Variants in ZFPM1 observed in about 807,000 individuals in gnomAD.
ZFPM1 encodes the protein zinc finger protein ZFPM1.
ZFPM1 carries 28 observed loss-of-function variants against 46.3 expected under a neutral mutation model. That is an observed-to-expected ratio of 0.60 (90% CI 0.45 to 0.83). The LOEUF (loss-of-function observed/expected upper bound fraction) is 0.83. Ranked by LOEUF, ZFPM1 falls within the 40% of genes least tolerant of loss-of-function variation. The pLI is 0.00. For synonymous variants in ZFPM1, 957 were observed against 675.9 expected (o/e 1.42, Z -6.45); for missense variants, 1,878 against 1,432.4 (o/e 1.31, Z -5.02).
intron 4 of ZFPM1, among the ~76,000 whole-genome samples, chr16:88,522,514 T>G (rs1911975875): frequency 6.6e-6 from 1 of 152,208 alleles, no homozygotes; most frequent in African/African-American, 2.4e-5. Context: ...CCAGCAGCCC[T>G]GCAAGCTGCT....
chr16:88,534,592 C>T lies in ZFPM1; in HGVS notation c.2634C>T (p.Gly878=), dbSNP rs1913130538. The stretch of plus-strand genomic sequence containing the variant: ...TGGAGCATTTCCGCCTGGCGCACGG[C>T]CTGCTGCTCGGCGCGCCCCTGGCCG... ...DLLEHFRLAH[G]LLLGAPLAGP... The change falls in exon 10 of 10, where the codon GGC becomes GGT. Residue 878 remains glycine (G), a synonymous_variant. Coordinates refer to ENST00000319555, the MANE Select transcript of ZFPM1 (RefSeq NM_153813.3). The T allele has an allele frequency of 3.2e-6, 4 of 1,242,240 alleles. No homozygotes were observed. The African/African-American group carries it at 6.4e-5, about 20-fold the overall frequency. The allele number at this position is 1,242,240 out of a possible 1,614,324, so 77.0% of individuals were successfully genotyped here.
intron 3 of ZFPM1, among the ~76,000 whole-genome samples, chr16:88,490,584 G>C (rs1194548808): frequency 6.6e-6 from 1 of 152,224 alleles, no homozygotes; most frequent in African/African-American, 2.4e-5. Flanking sequence ...CCAGCAGCAA[G>C]GGGAGAGTGC....
chr16:88,495,232 G>C (rs930851918), intron 3 of ZFPM1, among the ~76,000 whole-genome samples: 1 of 152,226 alleles, frequency 6.6e-6, no homozygotes, highest in African/African-American at 2.4e-5. Flanking sequence ...CTGTGTGGTC[G>C]TCTGCCCAGA....
At chr16:88,517,327 TG>T (rs1411706859) in intron 4 of ZFPM1, among the ~76,000 whole-genome samples, 20 of 129,766 alleles carry the variant, frequency 1.5e-4, no homozygotes, top group Non-Finnish European at 3.1e-4. Context: ...AGTGGGTCGG[TG>T]GGTGGGTAGG....
chr16:88,492,528 G>A (rs1322956724), intron 3 of ZFPM1, among the ~76,000 whole-genome samples: 1 of 152,220 alleles, frequency 6.6e-6, no homozygotes, highest in Non-Finnish European at 1.5e-5. Flanking sequence ...GCATGTGGAT[G>A]GGACCCGGTC....
At chr16:88,458,702 CCCACCTGG>C (rs1232171558) in intron 1 of ZFPM1, among the ~76,000 whole-genome samples, 1 of 152,168 alleles carries the variant, frequency 6.6e-6, no homozygotes, top group African/African-American at 2.4e-5. Context: ...GGGGCTCCTG[CCCACCTGG>C]CCACCATACC....
intron 2 of ZFPM1, among the ~76,000 whole-genome samples, chr16:88,487,090 C>T (rs1431708292): frequency 1.3e-5 from 2 of 152,208 alleles, no homozygotes; most frequent in Non-Finnish European, 2.9e-5. Flanking sequence ...GGAGGGCCTG[C>T]CCTCCCAGGA....
intron 4 of ZFPM1, among the ~76,000 whole-genome samples, chr16:88,522,734 C>T (rs918899416): frequency 3.3e-5 from 5 of 152,132 alleles, no homozygotes; most frequent in African/African-American, 1.2e-4. Flanking sequence ...AGAGGAGGGA[C>T]AGGGCAACCC....
At position 88,486,054 on chromosome 16, in the gene ZFPM1, CTG is replaced by C. The variant is rs1909205157; in HGVS notation, c.145+12_145+13del. On this transcript the variant is annotated intron_variant, in intron 2 of 9. Transcript: ENST00000319555. The stretch of plus-strand genomic sequence containing the variant: ...GCCCTCCCAGCGCAGGTGAGTCAGA[CTG>C]AGCCCTCTCACCGCGCCTCCAGCCG... 3 of 1,608,746 alleles carry C rather than the reference CTG, an allele frequency of 1.9e-6. No individual in the cohort carries two copies. Among genetic ancestry groups the C allele is most frequent in the African/African-American group, 2.7e-5 (2 of 74,918 alleles).
At chr16:88,461,433 G>T (rs1282311428) in intron 1 of ZFPM1, among the ~76,000 whole-genome samples, 4 of 152,158 alleles carry the variant, frequency 2.6e-5, no homozygotes, top group Non-Finnish European at 4.4e-5. Context: ...TCTGGGGACC[G>T]CTTCGGACAA....
chr16:88,535,005 T>A lies in ZFPM1; in HGVS notation c.*26T>A, dbSNP rs1913178063. 3 of 1,367,338 alleles carry A rather than the reference T, an allele frequency of 2.2e-6. No individual in the cohort carries two copies. Among genetic ancestry groups the A allele is most frequent in the Non-Finnish European group, 2.9e-6 (3 of 1,049,316 alleles). 84.7% of individuals were successfully genotyped at this position (1,367,338 alleles called of 1,614,324 possible). Reference sequence around the variant, plus strand: ...GCGCCCACACTACAGCCGCAGACGCTTTGCACGCCCCGCTGCGATGCGGGG... The same window carrying A: ...GCGCCCACACTACAGCCGCAGACGCATTGCACGCCCCGCTGCGATGCGGGG... On this transcript the variant is annotated 3_prime_UTR_variant, in exon 10 of 10. Coordinates refer to ENST00000319555, the MANE Select transcript of ZFPM1 (RefSeq NM_153813.3).
At position 88,535,877 on chromosome 16, in the gene ZFPM1, G is replaced by C. The variant is rs535307409; in HGVS notation, c.*898G>C. 5 of 147,030 alleles carry C rather than the reference G, an allele frequency of 3.4e-5. No homozygotes were observed. Among genetic ancestry groups the C allele is most frequent in the African/African-American group, 9.9e-5 (4 of 40,562 alleles). The allele number at this position is 147,030 out of a possible 1,614,324, so 9.1% of individuals were successfully genotyped here. A position where few individuals can be genotyped will look rare whatever the true frequency, so the allele number is the denominator to read the frequency against. On this transcript the variant is annotated 3_prime_UTR_variant, in exon 10 of 10. Coordinates refer to ENST00000319555, the MANE Select transcript of ZFPM1 (RefSeq NM_153813.3). ...GACCGCGTTCAGCCACGGTGTCACCGTGCCGTTTGCAGCTGGGTGGCTGTG... is the reference window on the plus strand; with the variant it reads ...GACCGCGTTCAGCCACGGTGTCACCCTGCCGTTTGCAGCTGGGTGGCTGTG...
At chr16:88,519,176 G>GATGC (rs1169307466) in intron 4 of ZFPM1, among the ~76,000 whole-genome samples, 1 of 135,598 alleles carries the variant, frequency 7.4e-6, no homozygotes, top group Non-Finnish European at 1.6e-5. Flanking sequence ...TGGGTGGGTG[G>GATGC]ATGGGTGGGT....
At position 88,480,230 on chromosome 16, in the gene ZFPM1, G is replaced by A. The variant is rs1908870822; in HGVS notation, c.41-5709G>A. On this transcript the variant is annotated intron_variant, in intron 1 of 9. Coordinates refer to ENST00000319555, the MANE Select transcript of ZFPM1 (RefSeq NM_153813.3). This position sits in a 1 kb window ranked among gnomAD's most constrained non-coding sequence, Gnocchi z 4.9. ...TTCCTCCAGGAAGCCTTCCTGGATGGCACCTCTGACTCTTTCCTGTGGTGC... is the reference window on the plus strand; with the variant it reads ...TTCCTCCAGGAAGCCTTCCTGGATGACACCTCTGACTCTTTCCTGTGGTGC... Among the ~76,000 whole-genome samples the A allele has an allele frequency of 6.6e-6, 1 of 152,030 alleles. No individual in the cohort carries two copies. The highest frequency in any genetic ancestry group is 6.5e-5 in the Admixed American group (1 of 15,278).
chr16:88,468,234 C>T (rs1908245993), intron 1 of ZFPM1, among the ~76,000 whole-genome samples: 2 of 148,640 alleles, frequency 1.3e-5, no homozygotes, highest in Non-Finnish European at 3.0e-5. Context: ...CCTCAAGCAC[C>T]CGCGAGCCCA....
intron 3 of ZFPM1, among the ~76,000 whole-genome samples, chr16:88,505,582 G>A (rs1450970064): frequency 1.3e-5 from 2 of 152,168 alleles, no homozygotes; most frequent in African/African-American, 2.4e-5. Flanking sequence ...CCCTCCGCAC[G>A]ACGGCTTCCT....
chr16:88,463,851 G>A (rs961550112), intron 1 of ZFPM1, among the ~76,000 whole-genome samples: 3 of 152,226 alleles, frequency 2.0e-5, no homozygotes, highest in Non-Finnish European at 2.9e-5. Context: ...TCCTCTGGCT[G>A]TGTGACCCTG....
chr16:88,532,101 G>C lies in ZFPM1; in HGVS notation c.812G>C (p.Gly271Ala). Reference sequence around the variant, plus strand: ...TACTGCGCCAGCCGCCAGGGCACCGGCTCCCCGGCCGCAGCCGCCACAGAC... The same window carrying C: ...TACTGCGCCAGCCGCCAGGGCACCGCCTCCCCGGCCGCAGCCGCCACAGAC... Reference protein sequence around the residue: ...LYYCASRQGTGSPAAAATDEK... With the variant: ...LYYCASRQGTASPAAAATDEK... Residue 271 changes from glycine to alanine, a missense_variant, in exon 7 of 10, where the codon GGC (glycine) becomes GCC (alanine). Gly to Ala is a moderately conservative substitution (Grantham distance 60, BLOSUM62 0). Transcript: ENST00000319555. 6.2e-7 allele frequency: 1 copy of C among 1,612,370 alleles called. No homozygotes were observed.
intron 3 of ZFPM1, among the ~76,000 whole-genome samples, chr16:88,503,806 G>A (rs898406835): frequency 5.3e-5 from 8 of 152,156 alleles, no homozygotes; most frequent in African/African-American, 1.7e-4. Context: ...TTAGCGCCTC[G>A]GGCTGCCAGG....
Sources: gnomAD v4.1 joint callset for allele counts (sites outside exome capture counted in the v4.1 genomes callset) on GRCh38, gnomAD v4.1.1 for gene constraint, Gnocchi (gnomAD v3.1) non-coding constraint, MANE v1.5 for transcripts, NCBI Gene and HGNC (gene_info 2026-07-23, HGNC 2026-07-21) for gene names.